The following MADD variants were observed in gnomAD, a reference collection of about 807,000 sequenced individuals.
The protein encoded by MADD is MAP kinase activating death domain, also known as MAP kinase-activating death domain protein.
A neutral mutation model predicts 176.7 loss-of-function variants in MADD; 109 were observed. That is an observed-to-expected ratio of 0.62 (90% confidence interval 0.53 to 0.72). The LOEUF (loss-of-function observed/expected upper bound fraction) is 0.72. MADD is among the 30% of genes least tolerant of loss of function. The pLI is 0.00. For synonymous variants in MADD, 771 were observed against 771.3 expected, an observed-to-expected ratio of 1.00 and a Z score of 0.01; for missense variants, 1,914 against 2,045.5, an observed-to-expected ratio of 0.94 and a Z score of 1.24.
chr11:47,284,451 A>G (rs1187976623), exon 12 of MADD: 1 of 1,614,134 alleles, frequency 6.2e-7, no homozygotes, highest in Admixed American at 1.7e-5. Context: ...ATCAGAAGGA[A>G]GCAGAAGAGC....
At chr11:47,326,241 T>C (rs1203687105) in intron 30 of MADD, among the ~76,000 whole-genome samples, 1 of 152,250 alleles carries the variant, frequency 6.6e-6, no homozygotes. Context: ...GATATTATTA[T>C]CACCACATAC....
chr11:47,285,998 T>C (rs2060357777), intron 14 of MADD, among the ~76,000 whole-genome samples: 2 of 152,240 alleles, frequency 1.3e-5, no homozygotes, highest in Admixed American at 6.5e-5. Context: ...ATTTTGTGCT[T>C]AGATAGTATT....
exon 9 of MADD, chr11:47,282,394 C>T (rs745650462): frequency 5.8e-5 from 93 of 1,613,976 alleles, no homozygotes; most frequent in Admixed American, 1.7e-4. Context: ...TGCCATGGTA[C>T]GGTTCTTCAA....
chr11:47,281,550 A>AC, intron 7 of MADD, 25 bp from the exon 8 acceptor site: 1 of 1,576,408 alleles, frequency 6.3e-7, no homozygotes, highest in Non-Finnish European at 8.7e-7. Flanking sequence ...TTCCTTGTGT[A>AC]AGGAATTTTC....
chr11:47,313,917 G>A (rs894114838), intron 26 of MADD, among the ~76,000 whole-genome samples: 2 of 151,872 alleles, frequency 1.3e-5, no homozygotes, highest in Non-Finnish European at 2.9e-5. Flanking sequence ...CCGCCACAAC[G>A]CCCGGCTAAT....
chr11:47,276,064 G>T (rs753362200), exon 4 of MADD: 1 of 1,614,188 alleles, frequency 6.2e-7, no homozygotes, highest in Admixed American at 1.7e-5. Flanking sequence ...TACCCCAAGA[G>T]CTCCAGCCAG....
At chr11:47,288,898 C>G in intron 15 of MADD, 70 bp from the exon 16 acceptor site, 1 of 1,106,146 alleles carries the variant, frequency 9.0e-7, no homozygotes. Flanking sequence ...ATCTGGCTTA[C>G]TGCTCCTCGG....
intron 1 of MADD, 108 bp downstream of exon 1, chr11:47,270,354 AG>A (rs984901690): frequency 8.6e-5 from 10 of 116,956 alleles, no homozygotes; most frequent in Non-Finnish European, 1.4e-4. Flanking sequence ...GTCTCTCAGG[AG>A]GCCCTGGGGG....
At chr11:47,282,221 C>T (rs985823502) in intron 8 of MADD, among the ~76,000 whole-genome samples, 160 bp from the exon 9 acceptor site, 2 of 152,130 alleles carry the variant, frequency 1.3e-5, no homozygotes, top group Non-Finnish European at 2.9e-5. Context: ...TAGTAAACCA[C>T]GTGCTCAGGA....
At chr11:47,324,896 C>G in intron 30 of MADD, 2 of 604,088 alleles carry the variant, frequency 3.3e-6, no homozygotes, top group African/African-American at 1.9e-5. Flanking sequence ...CCTGCAGTGT[C>G]TCTGCCTTCC....
At chr11:47,277,208 G>GT (rs2050862506) in intron 5 of MADD, among the ~76,000 whole-genome samples, 1 of 152,114 alleles carries the variant, frequency 6.6e-6, no homozygotes, top group Middle Eastern at 3.2e-3. Context: ...TAGATACTTT[G>GT]TTTTTTTCTA....
chr11:47,310,399 C>G (rs2087493004), intron 25 of MADD, among the ~76,000 whole-genome samples: 1 of 151,076 alleles, frequency 6.6e-6, no homozygotes, highest in South Asian at 2.1e-4. Context: ...CCAGGCTGGT[C>G]TCTCGTACTT....
chr11:47,286,512 C>T (rs1340659455), exon 15 of MADD: 1 of 1,613,822 alleles, frequency 6.2e-7, no homozygotes, highest in Non-Finnish European at 8.5e-7. Context: ...GAGAGAAGGC[C>T]ACGCCCTTCC....
chr11:47,274,575 T>A, exon 3 of MADD: 1 of 1,611,240 alleles, frequency 6.2e-7, no homozygotes, highest in Non-Finnish European at 8.5e-7. Context: ...ACCCGAGCAG[T>A]GATAGCGTGG....
rs539412278 is a variant in MADD, at chr11:47,282,630, C to T, written c.1705+14C>T. On this transcript the variant is annotated intron_variant, in intron 9 of 32. Transcript: ENST00000402192. ...GAATTCACAACAGTGAGTCTACCTG[C>T]CCTCTGCTCCGCTCTGCCTTGTGCC... 8 of 1,611,970 alleles carry T rather than the reference C, an allele frequency of 5.0e-6. No individual in the cohort carries two copies. Among genetic ancestry groups the T allele is most frequent in the Non-Finnish European group, 6.8e-6 (8 of 1,178,262 alleles).
exon 13 of MADD, chr11:47,285,122 C>T (rs368071373): frequency 8.7e-6 from 14 of 1,613,974 alleles, no homozygotes; most frequent in Admixed American, 1.7e-5. Context: ...TATGGCTTTC[C>T]CCCTGAGGAA....
intron 27 of MADD, among the ~76,000 whole-genome samples, chr11:47,315,770 C>T (rs112790258): frequency 2.0e-5 from 3 of 151,658 alleles, no homozygotes; most frequent in South Asian, 4.2e-4. Context: ...CCACCGCACC[C>T]GGCCAAATTA....
At chr11:47,287,807 T>TG (rs2061844960) in intron 15 of MADD, among the ~76,000 whole-genome samples, 1 of 86,894 alleles carries the variant, frequency 1.2e-5, no homozygotes, top group Non-Finnish European at 2.3e-5. Context: ...TTTTTTTTTT[T>TG]GAGACAAGAG....
chr11:47,316,186 C>A (rs1056647171), intron 27 of MADD, among the ~76,000 whole-genome samples: 4 of 151,868 alleles, frequency 2.6e-5, no homozygotes, highest in Non-Finnish European at 5.9e-5. Flanking sequence ...CACACATATA[C>A]ATAAAGATAT....
Sources: gnomAD v4.1 joint callset for allele counts (sites outside exome capture counted in the v4.1 genomes callset) on GRCh38, gnomAD v4.1.1 for gene constraint, MANE v1.5 for transcripts, NCBI Gene and HGNC (gene_info 2026-07-23, HGNC 2026-07-21) for gene names.